N4BP2: variants seen among roughly 807,000 people sequenced by gnomAD.
N4BP2 encodes the protein NEDD4-binding protein 2.
A neutral mutation model predicts 152.8 loss-of-function variants in N4BP2; 91 were observed. That is an observed-to-expected ratio of 0.60 (90% confidence interval 0.50 to 0.71). N4BP2 has a LOEUF of 0.71. Among genes scored for constraint, N4BP2 ranks in the 30% least tolerant of loss-of-function variants. The pLI, the probability that N4BP2 is intolerant of heterozygous loss-of-function variation, is 0.00. For missense variants in N4BP2, 1,923 were observed against 2,059.1 expected (o/e 0.93, Z 1.28); for synonymous variants, 646 against 705.3 (o/e 0.92, Z 1.33).
At chr4:40,080,493 C>T (rs7671140) in intron 2 of N4BP2, among the ~76,000 whole-genome samples, 1,638 of 151,752 alleles carry the variant, frequency 0.011, 35 homozygotes, top group African/African-American at 0.038. Context: ...CGTGCCACCA[C>T]GCCCAGCTAA....
chr4:40,141,499 C>A (rs1372207109), intron 14 of N4BP2, among the ~76,000 whole-genome samples: 1 of 150,008 alleles, frequency 6.7e-6, no homozygotes, highest in Admixed American at 6.6e-5. Flanking sequence ...GGCGGCCGGG[C>A]AGAGGCGCTC....
intron 14 of N4BP2, among the ~76,000 whole-genome samples, chr4:40,140,648 G>A (rs1203875324): frequency 6.6e-6 from 1 of 151,276 alleles, no homozygotes; most frequent in Admixed American, 6.6e-5. Context: ...GGGGGATTTG[G>A]CAGGGTCACA....
chr4:40,106,884 C>T lies in N4BP2; in HGVS notation c.1374-16C>T, dbSNP rs371648076. The stretch of plus-strand genomic sequence containing the variant: ...GAAGAAAAGGTAATGAAAATTATTT[C>T]ATTTATCTTTCACAGGACTTTGCAA... On this transcript the variant is annotated splice_polypyrimidine_tract_variant and intron_variant, in intron 4 of 17. Coordinates refer to ENST00000261435, the MANE Select transcript of N4BP2 (RefSeq NM_018177.6). 2 of 1,574,206 alleles carry T rather than the reference C, an allele frequency of 1.3e-6. No individual in the cohort carries two copies. The highest frequency in any genetic ancestry group is 1.4e-5 in the African/African-American group (1 of 73,116).
intron 12 of N4BP2, among the ~76,000 whole-genome samples, chr4:40,128,539 G>GTTTTTTTTTTTTTTTT (rs11423243): frequency 1.4e-5 from 2 of 145,084 alleles, no homozygotes; most frequent in African/African-American, 5.1e-5. Flanking sequence ...TCTTCTTTCT[G>GTTTTTTTTTTTTTTTT]TTTTTTTTTT....
rs1441342358 is a variant in N4BP2, at chr4:40,157,191, G to A, written c.*2954G>A. ...AGTCTGTCCATCTCTTTATTCCAATGTGAGAAATGGAAGTGTTTTTTTTTT... is the reference window on the plus strand; with the variant it reads ...AGTCTGTCCATCTCTTTATTCCAATATGAGAAATGGAAGTGTTTTTTTTTT... On this transcript the variant is annotated 3_prime_UTR_variant, in exon 18 of 18. Transcript: ENST00000261435. The A allele has an allele frequency of 6.6e-6, 1 of 151,726 alleles. No individual in the cohort carries two copies. The highest frequency in any genetic ancestry group is 2.4e-5 in the African/African-American group (1 of 41,266). 9.4% of individuals were successfully genotyped at this position (151,726 alleles called of 1,614,324 possible).
chr4:40,171,243 G>T, the N4BP2 span, among the ~76,000 whole-genome samples: 674 of 152,292 alleles, frequency 4.4e-3, 3 homozygotes, highest in African/African-American at 0.015. Context: ...TTCATCGTTT[G>T]TCCATCCCTT....
At chr4:40,182,270 G>A in the N4BP2 span, among the ~76,000 whole-genome samples, 2 of 152,150 alleles carry the variant, frequency 1.3e-5, no homozygotes, top group Non-Finnish European at 2.9e-5. Flanking sequence ...CATGTGCTTC[G>A]AACAGGACAT....
chr4:40,145,554 C>A (rs1293768981), intron 16 of N4BP2, among the ~76,000 whole-genome samples: 1 of 151,954 alleles, frequency 6.6e-6, no homozygotes, highest in Non-Finnish European at 1.5e-5. Context: ...TGTAGAAAAT[C>A]TAGAAAACAG....
intron 1 of N4BP2, among the ~76,000 whole-genome samples, chr4:40,069,711 C>T (rs1313032966): frequency 6.6e-6 from 1 of 152,066 alleles, no homozygotes; most frequent in East Asian, 1.9e-4. Flanking sequence ...AGTTGGAGAC[C>T]AGTGTGGGCA....
intron 5 of N4BP2, among the ~76,000 whole-genome samples, chr4:40,111,244 A>G (rs1716850017): frequency 6.6e-6 from 1 of 152,166 alleles, no homozygotes; most frequent in South Asian, 2.1e-4. Flanking sequence ...TTGGTTTATT[A>G]TTATTAACTA....
chr4:40,124,975 AC>A (rs1382107614), intron 11 of N4BP2, among the ~76,000 whole-genome samples: 1 of 152,178 alleles, frequency 6.6e-6, no homozygotes, highest in Non-Finnish European at 1.5e-5. Flanking sequence ...ATTCCAGATG[AC>A]TTCTCTTAGA....
intron 11 of N4BP2, 126 bp downstream of exon 11, chr4:40,124,331 GTTTTA>G (rs923410882): frequency 6.0e-4 from 299 of 501,086 alleles, no homozygotes; most frequent in African/African-American, 5.5e-3. Context: ...GCAAATAAAA[GTTTTA>G]TTTATTTATT....
At chr4:40,160,813 C>T (rs1176945995), downstream of N4BP2, among the ~76,000 whole-genome samples, 1 of 152,154 alleles carries the variant, frequency 6.6e-6, no homozygotes, top group African/African-American at 2.4e-5. Flanking sequence ...ATTAGAGGCA[C>T]TTTTGCAAAA....
In N4BP2 at chr4:40,102,193, A is replaced by G. The variant is rs750868486; in HGVS notation, c.348A>G (p.Ile116Met). 2.5e-6 allele frequency: 4 copies of G among 1,614,024 alleles called. No homozygotes were observed. The change falls in exon 4 of 18, where the codon ATA (isoleucine) becomes ATG (methionine). Residue 116 changes from isoleucine to methionine, a missense_variant. By Grantham distance (10) the Ile-to-Met change is conservative. Transcript: ENST00000261435. The part of the protein sequence containing the change: ...ENQVGAAESK[I>M]MEKRPEEESE... The stretch of plus-strand genomic sequence containing the variant: ...AAGTAGGTGCAGCAGAAAGTAAAAT[A>G]ATGGAAAAACGTCCTGAAGAAGAGA...
At position 40,120,909 on chromosome 4, in the gene N4BP2, C is replaced by T. The variant is rs755414093; in HGVS notation, c.2798C>T (p.Thr933Ile). 1.9e-6 allele frequency: 3 copies of T among 1,613,964 alleles called. No individual in the cohort carries two copies. Among genetic ancestry groups the T allele is most frequent in the African/African-American group, 1.3e-5 (1 of 74,914 alleles). Residue 933 changes from threonine to isoleucine, a missense_variant, in exon 9 of 18, where the codon ACA becomes ATA. Coordinates refer to ENST00000261435, the MANE Select transcript of N4BP2 (RefSeq NM_018177.6). ...ACAGCACATGAGGCCTGTTGGGGCA[C>T]AAGCTCTCAAAAACTAAAGACATTG... ...LSTAHEACWGTSSQKLKTLGS... is the reference protein window; with the variant it reads ...LSTAHEACWGISSQKLKTLGS...
intron 14 of N4BP2, chr4:40,142,321 G>A (rs999235272): frequency 1.2e-4 from 39 of 317,084 alleles, no homozygotes; most frequent in Non-Finnish European, 6.9e-5. Flanking sequence ...GGTGGCGACG[G>A]CTGGAGTTGG....
chr4:40,085,692 T>G (rs910275044), intron 2 of N4BP2, among the ~76,000 whole-genome samples: 1 of 152,074 alleles, frequency 6.6e-6, no homozygotes, highest in African/African-American at 2.4e-5. Context: ...GAACGCTGTA[T>G]TGTTTCCAAG....
At chr4:40,132,648 C>T (rs1026725851) in intron 13 of N4BP2, among the ~76,000 whole-genome samples, 2 of 152,062 alleles carry the variant, frequency 1.3e-5, no homozygotes, top group African/African-American at 4.8e-5. Context: ...CAGGAATGCT[C>T]TGGTTTGAAA....
In N4BP2 at chr4:40,078,577, T is replaced by A. The variant is rs74778372; in HGVS notation, c.-115+5026T>A. On this transcript the variant is annotated intron_variant, in intron 2 of 17. Transcript: ENST00000261435. ...TCTCGCTTTATCGCCCAGGCTGGAG[T>A]ACAGTGGCATGCTTATGGCTCAACT... 5.6e-3 allele frequency among the ~76,000 whole-genome samples: 850 copies of A among 151,832 alleles called. 11 individuals are homozygous for A. Among genetic ancestry groups the A allele is most frequent in the Non-Finnish European group, 9.0e-3 (614 of 67,972 alleles).
Sources: gnomAD v4.1 joint callset for allele counts (sites outside exome capture counted in the v4.1 genomes callset) on GRCh38, gnomAD v4.1.1 for gene constraint, MANE v1.5 for transcripts, NCBI Gene and HGNC (gene_info 2026-07-23, HGNC 2026-07-21) for gene names.